Variants in MTR observed in about 807,000 individuals in gnomAD.
MTR encodes 5-methyltetrahydrofolate-homocysteine methyltransferase.
A neutral mutation model predicts 154.8 loss-of-function variants in MTR; 84 were observed. The observed-to-expected ratio is 0.54, with a 90% CI of 0.45 to 0.65. The LOEUF is 0.65. Ranked by LOEUF, MTR falls within the 30% of genes least tolerant of loss-of-function variation. MTR has a pLI of 0.00. For synonymous variants in MTR, 554 were observed against 553.9 expected, an observed-to-expected ratio of 1.00 and a Z score of 0.00; for missense variants, 1,275 against 1,570.2, an observed-to-expected ratio of 0.81 and a Z score of 3.18.
At chr1:236,804,393 A>G (rs1383922764) in intron 2 of MTR, among the ~76,000 whole-genome samples, 1 of 152,224 alleles carries the variant, frequency 6.6e-6, no homozygotes, top group African/African-American at 2.4e-5. Context: ...CCCATTATAA[A>G]ATTCTAAGAT....
At chr1:236,815,763 C>A (rs1432308528) in intron 7 of MTR, 100 bp downstream of exon 7, 3 of 1,142,428 alleles carry the variant, frequency 2.6e-6, no homozygotes, top group Non-Finnish European at 2.6e-6. Context: ...TTAATGGTAT[C>A]TTTAGAACTC....
chr1:236,835,509 G>A (rs1359968423), intron 13 of MTR, 38 bp from the exon 14 acceptor site: 2 of 1,612,222 alleles, frequency 1.2e-6, no homozygotes, highest in South Asian at 1.1e-5. Context: ...CCTAGTAACT[G>A]TCTCCTAATG....
At chr1:236,814,277 C>T (rs1661468222) in intron 6 of MTR, among the ~76,000 whole-genome samples, 1 of 152,078 alleles carries the variant, frequency 6.6e-6, no homozygotes, top group African/African-American at 2.4e-5. Context: ...TTCAGATACA[C>T]ATTTTGAAAA....
chr1:236,796,541 C>T lies in MTR; in HGVS notation c.34+804C>T, dbSNP rs1660398514. Among the ~76,000 whole-genome samples the T allele has an allele frequency of 2.0e-5, 3 of 152,090 alleles. No individual in the cohort carries two copies. In the South Asian group the frequency reaches 6.2e-4, roughly 32 times the overall value. ...ATCACATAGTGGGGATGTTTAGCTT[C>T]AGGAAGAGGGGGAATACTAAATTCG... is the stretch of plus-strand genomic sequence containing the variant. On this transcript the variant is annotated intron_variant, in intron 1 of 32. Transcript: ENST00000366577.
At chr1:236,805,618 C>T (rs531328299) in intron 2 of MTR, among the ~76,000 whole-genome samples, 2 of 152,136 alleles carry the variant, frequency 1.3e-5, no homozygotes, top group South Asian at 2.1e-4. Flanking sequence ...CTTAGCCTTC[C>T]GAGTAGCTGG....
chr1:236,815,517 A>AG lies in MTR; in HGVS notation c.610-86dup, dbSNP rs1661536562. On this transcript the variant is annotated intron_variant, in intron 6 of 32. Transcript: ENST00000366577. Reference sequence around the variant, plus strand: ...TGTATATCTTATCTGAAGAGGTCTTAGAAAAGGGTGCATTCTAATCAGGAA... The same window carrying AG: ...TGTATATCTTATCTGAAGAGGTCTTAGGAAAAGGGTGCATTCTAATCAGGAA... 7 of 1,333,252 alleles carry AG rather than the reference A, an allele frequency of 5.3e-6. No homozygotes were observed. The East Asian group carries it at 1.4e-4, about 26-fold the overall frequency. The allele number at this position is 1,333,252 out of a possible 1,614,324, so 82.6% of individuals were successfully genotyped here. A position where few individuals can be genotyped will look rare whatever the true frequency, so the allele number is the denominator to read the frequency against.
chr1:236,887,940 T>A lies in MTR; in HGVS notation c.2852-1241T>A, dbSNP rs781623730. 4.5e-4 allele frequency among the ~76,000 whole-genome samples: 69 copies of A among 152,254 alleles called. 1 individual carries two copies. The highest frequency in any genetic ancestry group is 1.2e-4 in the Non-Finnish European group (8 of 68,046). ...TTGAATCAAGGGTCTATCTGTAGATTCCTTTTAGTTTCTCTACTAAGGGGA... is the reference window on the plus strand; with the variant it reads ...TTGAATCAAGGGTCTATCTGTAGATACCTTTTAGTTTCTCTACTAAGGGGA... On this transcript the variant is annotated intron_variant, in intron 27 of 32. Coordinates refer to ENST00000366577, the MANE Select transcript of MTR (RefSeq NM_000254.3).
intron 29 of MTR, among the ~76,000 whole-genome samples, chr1:236,893,821 C>T (rs545618728): frequency 3.3e-5 from 5 of 152,156 alleles, no homozygotes; most frequent in South Asian, 4.2e-4. Context: ...TGTCCTCAGC[C>T]GGCTCCTGTA....
Position 236,861,211 on chromosome 1 carries a change from A to AC in MTR, c.2134dup (p.Leu712ProfsTer10). ...CCCGACCTCTCAATATAATTGAAGG[A>AC]CCCCTGATGAATGGAATGAAAATTG... On this transcript the variant is annotated frameshift_variant, in exon 20 of 33. Coordinates refer to ENST00000366577, the MANE Select transcript of MTR (RefSeq NM_000254.3). LOFTEE classifies it high-confidence loss of function. 6.2e-7 allele frequency: 1 copy of AC among 1,613,414 alleles called. No individual in the cohort carries two copies. The highest frequency in any genetic ancestry group is 8.5e-7 in the Non-Finnish European group (1 of 1,179,868).
At chr1:236,848,378 A>G (rs1279827582) in intron 15 of MTR, among the ~76,000 whole-genome samples, 1 of 152,146 alleles carries the variant, frequency 6.6e-6, no homozygotes, top group African/African-American at 2.4e-5. Flanking sequence ...TTACTCAGTA[A>G]TACTAGTAGC....
rs1311505928 is a variant in MTR at position 236,838,529 on chromosome 1, T to C, written c.1445T>C (p.Leu482Ser). The C allele has an allele frequency of 6.2e-7, 1 of 1,614,124 alleles. No individual in the cohort carries two copies. The highest frequency in any genetic ancestry group is 1.1e-5 in the South Asian group (1 of 91,078). Reference sequence around the variant, plus strand: ...CTGAAGGAAGGAGAGGACGACTTCTTGGAGAAGGCCAGGAAGATTAAAAAG... The same window carrying C: ...CTGAAGGAAGGAGAGGACGACTTCTCGGAGAAGGCCAGGAAGATTAAAAAG... The part of the protein sequence containing the change: ...ISLKEGEDDF[L>S]EKARKIKKYG... Residue 482 changes from leucine (L) to serine (S), a missense_variant, in exon 15 of 33, where the codon TTG becomes TCG. Leu to Ser is a moderately radical substitution (Grantham distance 145). Transcript: ENST00000366577.
intron 3 of MTR, among the ~76,000 whole-genome samples, chr1:236,808,344 G>A (rs1661103644): frequency 6.6e-6 from 1 of 152,094 alleles, no homozygotes; most frequent in Non-Finnish European, 1.5e-5. Context: ...TTGAACCTGC[G>A]TGTTTTGCCT....
intron 15 of MTR, among the ~76,000 whole-genome samples, chr1:236,841,893 CTTTTTTTTTTT>C (rs1178746827): frequency 7.1e-6 from 1 of 139,916 alleles, no homozygotes; most frequent in African/African-American, 2.6e-5. Context: ...TATTCTAACT[CTTTTTTTTTTT>C]TTTTTTGAGA....
At chr1:236,886,482 G>A in intron 27 of MTR, 115 bp downstream of exon 27, 3 of 908,316 alleles carry the variant, frequency 3.3e-6, no homozygotes, top group Admixed American at 2.0e-5. Flanking sequence ...ACTCTCAACT[G>A]TGTCTAATGC....
In MTR at chr1:236,806,215, C is replaced by T; in HGVS notation, c.321C>T (p.Asp107=). The T allele has an allele frequency of 6.2e-7, 1 of 1,613,940 alleles. No homozygotes were observed. The highest frequency in any genetic ancestry group is 8.5e-7 in the Non-Finnish European group (1 of 1,179,806). Residue 107 remains aspartate, a synonymous_variant, in exon 3 of 33, where the codon GAC becomes GAT. Coordinates refer to ENST00000366577, the MANE Select transcript of MTR (RefSeq NM_000254.3). The stretch of plus-strand genomic sequence containing the variant: ...GCAGCACTAGTATTGCCCAAGCTGA[C>T]TATGGCCTTGAACACTTGGTAAGAA... The part of the protein sequence containing the change: ...TFSSTSIAQA[D]YGLEHLAYRM...
At chr1:236,880,672 T>C in intron 24 of MTR, 83 bp from the exon 25 acceptor site, 1 of 1,097,362 alleles carries the variant, frequency 9.1e-7, no homozygotes, top group East Asian at 2.4e-5. Context: ...TAGAAATACA[T>C]TATCTCTAAT....
intron 12 of MTR, among the ~76,000 whole-genome samples, chr1:236,830,512 G>A (rs1053227340): frequency 6.6e-6 from 1 of 152,146 alleles, no homozygotes. Flanking sequence ...CCTTCCATCA[G>A]ATTTTAAAAG....
intron 24 of MTR, among the ~76,000 whole-genome samples, chr1:236,879,377 G>T (rs1283455268): frequency 6.6e-6 from 1 of 152,214 alleles, no homozygotes; most frequent in Non-Finnish European, 1.5e-5. Context: ...TAAATATAGT[G>T]TTCTGCTACT....
intron 5 of MTR, 142 bp from the exon 6 acceptor site, chr1:236,812,596 T>G: frequency 1.3e-6 from 1 of 744,562 alleles, no homozygotes; most frequent in East Asian, 2.7e-5. Context: ...CTTTATTTGG[T>G]TTCTTACAAA....
Sources: gnomAD v4.1 joint callset for allele counts (sites outside exome capture counted in the v4.1 genomes callset) on GRCh38, gnomAD v4.1.1 for gene constraint, MANE v1.5 for transcripts, NCBI Gene and HGNC (gene_info 2026-07-23, HGNC 2026-07-21) for gene names.